B3GALNT2: variants seen among roughly 807,000 people sequenced by gnomAD.
B3GALNT2 encodes UDP-GalNAc:beta-1,3-N-acetylgalactosaminyltransferase 2.
In B3GALNT2, 53 loss-of-function variants were observed where a neutral mutation model predicts 61.1. The ratio of observed to expected loss-of-function variants is 0.87; its 90% CI spans 0.70 to 1.09. The LOEUF (loss-of-function observed/expected upper bound fraction) is 1.09, where lower values mean the gene tolerates loss of function less well. Among genes scored for constraint, B3GALNT2 ranks in the 50% least tolerant of loss-of-function variants. B3GALNT2 has a pLI of 0.00. For synonymous variants in B3GALNT2, 223 were observed against 237.4 expected (o/e 0.94, Z 0.56); for missense variants, 544 against 623.0 (o/e 0.87, Z 1.35).
chr1:235,459,039 C>T (rs941111982), intron 7 of B3GALNT2, among the ~76,000 whole-genome samples: 1 of 151,570 alleles, frequency 6.6e-6, no homozygotes, highest in Admixed American at 6.6e-5. Context: ...CAGTTGAGGC[C>T]ACTTGTAGAT....
At chr1:235,488,298 G>A (rs569433160) in intron 3 of B3GALNT2, among the ~76,000 whole-genome samples, 11 of 151,998 alleles carry the variant, frequency 7.2e-5, no homozygotes, top group South Asian at 4.2e-4. Context: ...TTCCAAACGC[G>A]TATGAATCAC....
Position 235,447,227 on chromosome 1 carries a change from TAAAG to T in B3GALNT2, c.*2975_*2978del, listed in dbSNP as rs994140372. Among the ~76,000 whole-genome samples the T allele has an allele frequency of 3.9e-5, 6 of 152,160 alleles. No homozygotes were observed. Among genetic ancestry groups the T allele is most frequent in the African/African-American group, 1.4e-4 (6 of 41,442 alleles). On this transcript the variant is annotated 3_prime_UTR_variant, in exon 12 of 12. Coordinates refer to ENST00000366600, the MANE Select transcript of B3GALNT2 (RefSeq NM_152490.5). ...AAAAAGGCCAGTTTTTATTCTAAAA[TAAAG>T]AACATTTATTATCACAAGTTGGATA...
chr1:235,472,546 C>T (rs1229979150), intron 5 of B3GALNT2, among the ~76,000 whole-genome samples: 1 of 152,120 alleles, frequency 6.6e-6, no homozygotes, highest in Non-Finnish European at 1.5e-5. Flanking sequence ...TATTATTAAA[C>T]TAACTGCCTC....
At chr1:235,440,258 C>G in the B3GALNT2 span, among the ~76,000 whole-genome samples, 3 of 152,206 alleles carry the variant, frequency 2.0e-5, no homozygotes, top group East Asian at 1.9e-4. Context: ...GCGTGAGCCA[C>G]CGCGCCCAGC....
At chr1:235,498,430 A>G (rs1685429203) in intron 1 of B3GALNT2, among the ~76,000 whole-genome samples, 1 of 152,240 alleles carries the variant, frequency 6.6e-6, no homozygotes, top group Non-Finnish European at 1.5e-5. Context: ...ATCAAGTTTG[A>G]ATTAGAGCAA....
chr1:235,448,958 G>T lies in B3GALNT2; in HGVS notation c.*1248C>A, dbSNP rs1242842488. On this transcript the variant is annotated 3_prime_UTR_variant, in exon 12 of 12. Transcript: ENST00000366600. ...ACATAATAGCAATAATAAAGGCTTT[G>T]AACCTACTAATGATTTTCTGATCTT... is the stretch of plus-strand genomic sequence containing the variant. The T allele has an allele frequency of 3.8e-6, 2 of 522,698 alleles. No individual in the cohort carries two copies. The highest frequency in any genetic ancestry group is 7.3e-5 in the East Asian group (2 of 27,556). The allele number at this position is 522,698 out of a possible 1,614,324, so 32.4% of individuals were successfully genotyped here. A position where few individuals can be genotyped will look rare whatever the true frequency, so the allele number is the denominator to read the frequency against.
At chr1:235,451,382 C>T (rs1013003588) in intron 11 of B3GALNT2, 7 of 145,838 alleles carry the variant, frequency 4.8e-5, no homozygotes, top group African/African-American at 1.8e-4. Flanking sequence ...TTCCTAGATG[C>T]ATGGCAGAAA....
chr1:235,493,496 G>A (rs1685174696), intron 2 of B3GALNT2, among the ~76,000 whole-genome samples: 1 of 152,122 alleles, frequency 6.6e-6, no homozygotes, highest in Non-Finnish European at 1.5e-5. Flanking sequence ...TTCACAACTA[G>A]GCCGGGCTTG....
In B3GALNT2 at chr1:235,471,788, G is replaced by T. The variant is rs527989705; in HGVS notation, c.652-828C>A. Among the ~76,000 whole-genome samples, 15 of 152,150 alleles carry T rather than the reference G, an allele frequency of 9.9e-5. No homozygotes were observed. In the East Asian group the frequency reaches 2.9e-3, roughly 29 times the overall value. On this transcript the variant is annotated intron_variant, in intron 5 of 11. Transcript: ENST00000366600. ...AGCGATTCTCTTGCTTCAGCCTCCC[G>T]CGTAGCTGGGATTACAGGCGCTCAC...
chr1:235,497,131 C>T (rs1685364708), intron 1 of B3GALNT2, among the ~76,000 whole-genome samples: 1 of 152,068 alleles, frequency 6.6e-6, no homozygotes, highest in African/African-American at 2.4e-5. Context: ...AGATACATAA[C>T]TATATGATGG....
At chr1:235,494,172 G>C (rs1007229911) in intron 2 of B3GALNT2, among the ~76,000 whole-genome samples, 5 of 152,248 alleles carry the variant, frequency 3.3e-5, no homozygotes, top group African/African-American at 1.2e-4. Context: ...AGTATATTTA[G>C]ACATGCACAT....
intron 5 of B3GALNT2, chr1:235,479,799 A>C: frequency 2.8e-6 from 1 of 352,420 alleles, no homozygotes; most frequent in Non-Finnish European, 5.0e-6. Context: ...GTAGTTCTCT[A>C]CTCCACTAAA....
In B3GALNT2 at chr1:235,450,191, T is replaced by C; in HGVS notation, c.*15A>G. 1.2e-6 allele frequency: 2 copies of C among 1,614,080 alleles called. No homozygotes were observed. Among genetic ancestry groups the C allele is most frequent in the Non-Finnish European group, 1.7e-6 (2 of 1,179,930 alleles). ...TGCCTGCCCTGATTTTAGACTCTGC[T>C]AATTCAAGTCCCTGTTATCTTGCTT... On this transcript the variant is annotated 3_prime_UTR_variant, in exon 12 of 12. Coordinates refer to ENST00000366600, the MANE Select transcript of B3GALNT2 (RefSeq NM_152490.5).
chr1:235,475,803 C>G (rs1398883400), intron 5 of B3GALNT2, among the ~76,000 whole-genome samples: 1 of 151,994 alleles, frequency 6.6e-6, no homozygotes, highest in East Asian at 1.9e-4. Context: ...CTTAGCTCCC[C>G]ACCAGGTATA....
downstream of B3GALNT2, among the ~76,000 whole-genome samples, chr1:235,446,100 T>A (rs1200207958): frequency 1.3e-5 from 2 of 152,330 alleles, no homozygotes; most frequent in East Asian, 1.9e-4. Flanking sequence ...GGACATGGCA[T>A]GGAATTGGCA....
chr1:235,477,798 AC>A (rs1339952986), intron 5 of B3GALNT2, among the ~76,000 whole-genome samples: 3 of 152,056 alleles, frequency 2.0e-5, no homozygotes, highest in African/African-American at 7.2e-5. Flanking sequence ...AAAGAATAGG[AC>A]CCCCTCAATC....
intron 5 of B3GALNT2, among the ~76,000 whole-genome samples, chr1:235,472,759 T>C (rs1684060353): frequency 2.0e-5 from 3 of 151,822 alleles, no homozygotes; most frequent in Non-Finnish European, 4.4e-5. Context: ...AACTTTCATG[T>C]TAAAATGAAG....
At chr1:235,465,438 TG>T in intron 7 of B3GALNT2, 197 bp downstream of exon 7, 1 of 783,026 alleles carries the variant, frequency 1.3e-6, no homozygotes, top group Non-Finnish European at 1.9e-6. Context: ...CTAATGGGTG[TG>T]GGGTTTCCTT....
chr1:235,484,538 T>C, intron 3 of B3GALNT2, 23 bp from the exon 4 acceptor site: 5 of 1,606,268 alleles, frequency 3.1e-6, no homozygotes, highest in Non-Finnish European at 3.4e-6. Context: ...AACAGGTTTA[T>C]ATAACTGAAC....
Sources: gnomAD v4.1 joint callset for allele counts (sites outside exome capture counted in the v4.1 genomes callset) on GRCh38, gnomAD v4.1.1 for gene constraint, MANE v1.5 for transcripts, NCBI Gene and HGNC (gene_info 2026-07-23, HGNC 2026-07-21) for gene names.